NFASC: variants seen among roughly 807,000 people sequenced by gnomAD.
NFASC encodes neurofascin homolog.
Under a neutral mutation model 147.5 loss-of-function variants are expected in NFASC, and 43 were observed. That is an observed-to-expected ratio of 0.29 (90% CI 0.23 to 0.38). The LOEUF is 0.38. Ranked by LOEUF, NFASC falls within the 10% of genes least tolerant of loss-of-function variation. The pLI is 1.00. For missense variants in NFASC, 1,320 were observed against 1,689.0 expected, an observed-to-expected ratio of 0.78 and a Z score of 3.83; for synonymous variants, 622 against 665.5, an observed-to-expected ratio of 0.93 and a Z score of 1.01.
At position 204,954,881 on chromosome 1, in the gene NFASC, C is replaced by A. The variant is rs148289271; in HGVS notation, c.465C>A (p.Gly155=). 1.9e-6 allele frequency: 3 copies of A among 1,614,132 alleles called. No homozygotes were observed. The highest frequency in any genetic ancestry group is 2.5e-6 in the Non-Finnish European group (3 of 1,179,966). Reference sequence around the variant, plus strand: ...TAGACCCTGTCGTGGTCCAAGAGGGCGCTCCTTTGACGCTCCAGTGCAACC... The same window carrying A: ...TAGACCCTGTCGTGGTCCAAGAGGGAGCTCCTTTGACGCTCCAGTGCAACC... ...ENLDPVVVQE[G]APLTLQCNPP... The change falls in exon 7 of 30, where the codon GGC becomes GGA. Residue 155 remains glycine, a synonymous_variant. Coordinates refer to ENST00000339876, the MANE Select transcript of NFASC (RefSeq NM_001005388.3). The surrounding 1 kb of genome is among the most constrained non-coding windows in gnomAD (Gnocchi z 5.7).
In NFASC at chr1:204,997,285, C is replaced by T. The variant is rs760714006; in HGVS notation, c.2898C>T (p.Val966=). Residue 966 remains valine, a synonymous_variant, in exon 25 of 30, where the codon GTC becomes GTT. Coordinates refer to ENST00000339876, the MANE Select transcript of NFASC (RefSeq NM_001005388.3). Reference sequence around the variant, plus strand: ...CAACAGTCCCCATCATCCCAACTGTCGCACCTACCACCATCGCCACCACCA... The same window carrying T: ...CAACAGTCCCCATCATCCCAACTGTTGCACCTACCACCATCGCCACCACCA... ...EATTVPIIPT[V]APTTIATTTT... 9.9e-6 allele frequency: 16 copies of T among 1,610,744 alleles called. No individual in the cohort carries two copies. The highest frequency in any genetic ancestry group is 5.3e-5 in the African/African-American group (4 of 74,818).
chr1:205,004,905 T>G (rs954203041), intron 27 of NFASC, among the ~76,000 whole-genome samples: 4 of 152,196 alleles, frequency 2.6e-5, no homozygotes, highest in Non-Finnish European at 4.4e-5. Context: ...CTCCTTGAAG[T>G]GTCTGAAGCC....
chr1:204,915,483 G>T (rs1323361989), intron 1 of NFASC, among the ~76,000 whole-genome samples: 2 of 152,070 alleles, frequency 1.3e-5, no homozygotes, highest in Non-Finnish European at 2.9e-5. Flanking sequence ...TAACTGGTTG[G>T]CCAGGGACAG....
chr1:204,999,872 C>A (rs2095936198), intron 25 of NFASC: 1 of 152,172 alleles, frequency 6.6e-6, no homozygotes, highest in Non-Finnish European at 1.5e-5. Context: ...GACAGTGCCC[C>A]CTTGCATGCT....
chr1:204,845,389 C>T (rs1414052186), intron 1 of NFASC, among the ~76,000 whole-genome samples: 1 of 150,668 alleles, frequency 6.6e-6, no homozygotes, highest in African/African-American at 2.4e-5. Context: ...ACCTGGGAGG[C>T]GGAGGTTGCA....
At chr1:204,856,283 A>G (rs1029217064) in intron 1 of NFASC, among the ~76,000 whole-genome samples, 1 of 151,986 alleles carries the variant, frequency 6.6e-6, no homozygotes, top group South Asian at 2.1e-4. Flanking sequence ...AGCTTCCCAA[A>G]TGAAGCTACA....
chr1:204,849,911 G>A (rs1225191399), intron 1 of NFASC, among the ~76,000 whole-genome samples: 1 of 152,194 alleles, frequency 6.6e-6, no homozygotes, highest in African/African-American at 2.4e-5. Flanking sequence ...AGCATTTACT[G>A]ATTAATTACC....
intron 2 of NFASC, among the ~76,000 whole-genome samples, chr1:204,928,897 A>G (rs1334048037): frequency 6.6e-6 from 1 of 152,118 alleles, no homozygotes; most frequent in Non-Finnish European, 1.5e-5. Flanking sequence ...TTTTCGCCCT[A>G]GAGAGCCTGG....
intron 1 of NFASC, among the ~76,000 whole-genome samples, chr1:204,860,790 T>C (rs938084834): frequency 1.4e-4 from 21 of 152,220 alleles, no homozygotes; most frequent in African/African-American, 5.1e-4. Context: ...GTTTTTTCTC[T>C]ATAGACTTGC....
Position 204,979,905 on chromosome 1 carries a change from T to C in NFASC, c.2176+346T>C, listed in dbSNP as rs2095479551. On this transcript the variant is annotated intron_variant, in intron 19 of 29. Transcript: ENST00000339876. This position sits in a 1 kb window ranked among gnomAD's most constrained non-coding sequence, Gnocchi z 6.0. ...TAATTCAGTGTGAGAAATATATAAA[T>C]TGGTATTACATCAGATTTCTTTTCC... Among the ~76,000 whole-genome samples the C allele has an allele frequency of 6.6e-6, 1 of 152,218 alleles. No individual in the cohort carries two copies. Among genetic ancestry groups the C allele is most frequent in the South Asian group, 2.1e-4 (1 of 4,836 alleles).
intron 1 of NFASC, among the ~76,000 whole-genome samples, chr1:204,885,427 A>G (rs2081138260): frequency 6.6e-6 from 1 of 152,128 alleles, no homozygotes; most frequent in Non-Finnish European, 1.5e-5. Context: ...CCTCCTTGCC[A>G]AAGTCCAGAA....
At chr1:204,868,674 C>T (rs550316172) in intron 1 of NFASC, among the ~76,000 whole-genome samples, 15 of 152,256 alleles carry the variant, frequency 9.9e-5, no homozygotes, top group Admixed American at 2.6e-4. Flanking sequence ...GGAGAAAAGC[C>T]GCAGGAACTG....
chr1:204,934,092 C>T (rs1033106196), intron 2 of NFASC, among the ~76,000 whole-genome samples: 1 of 148,124 alleles, frequency 6.8e-6, no homozygotes, highest in Non-Finnish European at 1.5e-5. Context: ...GAGCTGAGAT[C>T]ACGCTATTGC....
chr1:204,906,984 G>T (rs1321787123), intron 1 of NFASC, among the ~76,000 whole-genome samples: 1 of 152,206 alleles, frequency 6.6e-6, no homozygotes, highest in Non-Finnish European at 1.5e-5. Context: ...CATACCAGAA[G>T]TAGGAATCCC....
At chr1:204,993,556 C>T (rs1291192502) in intron 24 of NFASC, among the ~76,000 whole-genome samples, 1 of 152,212 alleles carries the variant, frequency 6.6e-6, no homozygotes, top group East Asian at 1.9e-4. Flanking sequence ...TTCCAGTGTG[C>T]ATTAGGTCAC....
intron 1 of NFASC, among the ~76,000 whole-genome samples, chr1:204,847,850 CCT>C (rs2075314468): frequency 1.3e-5 from 2 of 152,152 alleles, no homozygotes; most frequent in South Asian, 4.1e-4. Context: ...TTGTTCAGTT[CCT>C]CTGTTTGTCC....
At chr1:205,005,829 C>T (rs927254244) in intron 27 of NFASC, among the ~76,000 whole-genome samples, 3 of 152,192 alleles carry the variant, frequency 2.0e-5, no homozygotes, top group Non-Finnish European at 2.9e-5. Flanking sequence ...TTCACCTTTT[C>T]GGTAAGGACG....
chr1:204,870,813 G>A (rs2077557322), intron 1 of NFASC: 2 of 1,180,432 alleles, frequency 1.7e-6, no homozygotes, highest in Admixed American at 3.8e-5. Context: ...GAGGGCTGGG[G>A]AGGTGGCCGA....
chr1:204,977,175 A>C, intron 16 of NFASC: 1 of 1,044,584 alleles, frequency 9.6e-7, no homozygotes. Flanking sequence ...GCTTCCAATG[A>C]CCTCTGCCAG....
Sources: gnomAD v4.1 joint callset for allele counts (sites outside exome capture counted in the v4.1 genomes callset) on GRCh38, gnomAD v4.1.1 for gene constraint, Gnocchi (gnomAD v3.1) non-coding constraint, MANE v1.5 for transcripts, NCBI Gene and HGNC (gene_info 2026-07-23, HGNC 2026-07-21) for gene names.